HIGD1C: variants seen among roughly 807,000 people sequenced by gnomAD.
The protein encoded by HIGD1C is HIG1 domain family member 1C.
A neutral mutation model predicts 13.1 loss-of-function variants in HIGD1C; 11 were observed. The ratio of observed to expected loss-of-function variants is 0.84; its 90% CI spans 0.53 to 1.39. HIGD1C has a LOEUF of 1.39. Among genes scored for constraint, HIGD1C ranks in the 40% most tolerant of loss-of-function variants. The pLI, the probability that HIGD1C is intolerant of heterozygous loss-of-function variation, is 0.00. For synonymous variants in HIGD1C, 36 were observed against 37.7 expected (o/e 0.95, Z 0.17); for missense variants, 110 against 112.0 (o/e 0.98, Z 0.08).
chr12:50,937,483 C>T, the HIGD1C span, among the ~76,000 whole-genome samples: 1 of 152,200 alleles, frequency 6.6e-6, no homozygotes. Flanking sequence ...GATCTGGACT[C>T]CCAGAAGGGC....
intron 1 of HIGD1C, among the ~76,000 whole-genome samples, chr12:50,959,539 A>G (rs1244773376): frequency 1.3e-5 from 2 of 152,152 alleles, no homozygotes; most frequent in East Asian, 3.8e-4. Context: ...TTCAGGGTCT[A>G]GTGTGAAATA....
the HIGD1C span, among the ~76,000 whole-genome samples, chr12:50,944,790 G>A: frequency 6.6e-6 from 1 of 152,158 alleles, no homozygotes; most frequent in African/African-American, 2.4e-5. Context: ...AGAAGGCTGA[G>A]GCAGGAGAAT....
the HIGD1C span, among the ~76,000 whole-genome samples, chr12:50,938,098 A>C: frequency 1.3e-5 from 2 of 151,832 alleles, no homozygotes; most frequent in Non-Finnish European, 2.9e-5. Context: ...AGGAAACTGA[A>C]CTTCCTCCCT....
chr12:50,964,310 T>C (rs571258808), intron 2 of HIGD1C, among the ~76,000 whole-genome samples: 1 of 152,358 alleles, frequency 6.6e-6, no homozygotes, highest in South Asian at 2.1e-4. Flanking sequence ...TTTCAGCAAG[T>C]ACCTTGGCTA....
At chr12:50,942,867 CTTT>C in the HIGD1C span, among the ~76,000 whole-genome samples, 1 of 140,320 alleles carries the variant, frequency 7.1e-6, no homozygotes, top group Non-Finnish European at 1.5e-5. Context: ...TTTCTCTTCT[CTTT>C]TTTTTTTTTT....
upstream of HIGD1C, chr12:50,949,269 A>T (rs1318863691): frequency 6.5e-6 from 1 of 153,778 alleles, no homozygotes; most frequent in East Asian, 2.0e-4. Context: ...GCTCATTGCC[A>T]TGGCTTTCAG....
chr12:50,941,336 A>C, the HIGD1C span, among the ~76,000 whole-genome samples: 1 of 152,200 alleles, frequency 6.6e-6, no homozygotes, highest in African/African-American at 2.4e-5. Flanking sequence ...GTGAACTATT[A>C]ATACATTGTT....
At chr12:50,952,578 G>C (rs537772007), upstream of HIGD1C, among the ~76,000 whole-genome samples, 1 of 152,174 alleles carries the variant, frequency 6.6e-6, no homozygotes, top group South Asian at 2.1e-4. Context: ...CAGCCTCTCG[G>C]GTCTCCACAG....
At chr12:50,961,289 G>A (rs1263357083) in intron 2 of HIGD1C, among the ~76,000 whole-genome samples, 187 bp downstream of exon 4, 1 of 152,152 alleles carries the variant, frequency 6.6e-6, no homozygotes, top group African/African-American at 2.4e-5. Flanking sequence ...GAATGCAGCT[G>A]ACAAAAACTG....
downstream of HIGD1C, among the ~76,000 whole-genome samples, chr12:50,971,770 T>C (rs1939767676): frequency 6.6e-6 from 1 of 152,224 alleles, no homozygotes; most frequent in Non-Finnish European, 1.5e-5. Context: ...TACTTCCTTT[T>C]CCTCAGTGTT....
At chr12:50,966,025 T>C (rs779248259) in intron 2 of HIGD1C, among the ~76,000 whole-genome samples, 6 of 152,128 alleles carry the variant, frequency 3.9e-5, no homozygotes, top group Non-Finnish European at 7.4e-5. Flanking sequence ...GTTCTAGGGA[T>C]ACCATAATCA....
chr12:50,968,222 A>C (rs1006640174), intron 2 of HIGD1C, among the ~76,000 whole-genome samples: 1 of 152,214 alleles, frequency 6.6e-6, no homozygotes, highest in Non-Finnish European at 1.5e-5. Context: ...GCTGTTGCTT[A>C]TGTTTCTAAT....
Position 50,960,991 on chromosome 12 carries a change from G to A in HIGD1C, c.118G>A (p.Val40Met), listed in dbSNP as rs140423925. 4.5e-4 allele frequency: 722 copies of A among 1,600,050 alleles called. 3 individuals carry two copies. The African/African-American group carries it at 8.1e-3, about 18-fold the overall frequency. Residue 40 changes from valine to methionine, a missense_variant, in exon 2 of 3, where the codon GTG becomes ATG. By Grantham distance (21) the Val-to-Met change is conservative. Transcript: ENST00000398455. ...AGGTATAGCAGGCTTTGTGACTGTG[G>A]TGTCCTGTGGTCTTTACAAGCTAAA...
chr12:50,970,516 G>A, downstream of HIGD1C: 1 of 1,496,766 alleles, frequency 6.7e-7, no homozygotes, highest in Non-Finnish European at 9.1e-7. Context: ...AAGCTTACAT[G>A]CTGGAAGCAA....
At chr12:50,935,853 A>G in the HIGD1C span, among the ~76,000 whole-genome samples, 7 of 152,090 alleles carry the variant, frequency 4.6e-5, no homozygotes, top group East Asian at 3.9e-4. Flanking sequence ...ATGTTTCTCA[A>G]TCTTTAAACA....
intron 2 of HIGD1C, among the ~76,000 whole-genome samples, chr12:50,969,131 C>T (rs1939662522): frequency 6.6e-6 from 1 of 150,908 alleles, no homozygotes; most frequent in Non-Finnish European, 1.5e-5. Context: ...CCCATCTCTA[C>T]TAAAAATACA....
chr12:50,933,174 AAGTC>A, the HIGD1C span, among the ~76,000 whole-genome samples: 2 of 152,222 alleles, frequency 1.3e-5, no homozygotes, highest in Non-Finnish European at 1.5e-5. Context: ...GTTACTGAGC[AAGTC>A]TTAGAAGCCC....
chr12:50,952,156 G>GT (rs751886461), upstream of HIGD1C, among the ~76,000 whole-genome samples: 23 of 146,952 alleles, frequency 1.6e-4, no homozygotes, highest in Admixed American at 1.1e-3. Flanking sequence ...TTATATCAAT[G>GT]TTAAGTTTCT....
chr12:50,953,915 A>G, upstream of HIGD1C: 1 of 742,850 alleles, frequency 1.3e-6, no homozygotes, highest in Non-Finnish European at 2.3e-6. Flanking sequence ...CACATAATCA[A>G]GAGTATGATG....
Sources: gnomAD v4.1 joint callset for allele counts (sites outside exome capture counted in the v4.1 genomes callset) on GRCh38, gnomAD v4.1.1 for gene constraint, MANE v1.5 for transcripts, NCBI Gene and HGNC (gene_info 2026-07-23, HGNC 2026-07-21) for gene names.